The following ATXN1 variants were observed in gnomAD, a reference collection of about 807,000 sequenced individuals.
The protein encoded by ATXN1 is ataxin 1.
ATXN1 carries 8 observed loss-of-function variants against 56.4 expected under a neutral mutation model. That is an observed-to-expected ratio of 0.14 (90% confidence interval 0.08 to 0.26). The LOEUF is 0.26. Among genes scored for constraint, ATXN1 ranks in the 10% least tolerant of loss-of-function variants. The pLI, the probability that ATXN1 is intolerant of heterozygous loss-of-function variation, is 1.00. For synonymous variants in ATXN1, 514 were observed against 494.6 expected (o/e 1.04, Z -0.52); for missense variants, 987 against 1,106.5 (o/e 0.89, Z 1.53).
At chr6:16,310,609 A>C (rs1760366795) in intron 7 of ATXN1, among the ~76,000 whole-genome samples, 1 of 152,144 alleles carries the variant, frequency 6.6e-6, no homozygotes, top group African/African-American at 2.4e-5. Context: ...CAGACTCCCA[A>C]GTAGCTGGGA....
intron 5 of ATXN1, among the ~76,000 whole-genome samples, chr6:16,502,354 T>C (rs1357269934): frequency 6.6e-6 from 1 of 152,204 alleles, no homozygotes; most frequent in Non-Finnish European, 1.5e-5. Flanking sequence ...TGACAGCCAA[T>C]CTCTTGAAAA....
At chr6:16,576,588 C>A (rs1762425783) in intron 4 of ATXN1, among the ~76,000 whole-genome samples, 1 of 152,208 alleles carries the variant, frequency 6.6e-6, no homozygotes, top group Non-Finnish European at 1.5e-5. Context: ...ACATCATGCA[C>A]TTTAATTACA....
At chr6:16,606,379 T>C (rs985873173) in intron 3 of ATXN1, among the ~76,000 whole-genome samples, 2 of 152,256 alleles carry the variant, frequency 1.3e-5, no homozygotes, top group East Asian at 3.9e-4. Context: ...GTCTAAGTTA[T>C]TTCATGGATA....
intron 6 of ATXN1, among the ~76,000 whole-genome samples, chr6:16,419,439 A>T (rs1045112836): frequency 9.2e-5 from 14 of 151,528 alleles, no homozygotes; most frequent in African/African-American, 3.4e-4. Flanking sequence ...TTATAAATAT[A>T]TACATTAATA....
chr6:16,343,549 C>T (rs538493954), intron 6 of ATXN1, among the ~76,000 whole-genome samples: 32 of 152,168 alleles, frequency 2.1e-4, no homozygotes, highest in Middle Eastern at 3.4e-3. Context: ...TTCTCACATC[C>T]GCAAAGGGGA....
chr6:16,399,704 G>C (rs4626414), intron 6 of ATXN1, among the ~76,000 whole-genome samples: 12,194 of 152,096 alleles, frequency 0.08, 543 homozygotes, highest in African/African-American at 0.12. Context: ...ACAACTGCCG[G>C]GTGCTACCAG....
chr6:16,313,136 T>A (rs188603916), intron 7 of ATXN1, among the ~76,000 whole-genome samples: 90 of 152,324 alleles, frequency 5.9e-4, no homozygotes, highest in Non-Finnish European at 1.5e-5. Flanking sequence ...TGCCTTGGCA[T>A]CCCAAAGTGC....
At chr6:16,729,922 T>C (rs1028736618) in intron 2 of ATXN1, among the ~76,000 whole-genome samples, 14 of 152,226 alleles carry the variant, frequency 9.2e-5, no homozygotes, top group African/African-American at 3.1e-4. Flanking sequence ...TGATTACCTT[T>C]CTTCCTTTTT....
chr6:16,529,200 G>C (rs991080499), intron 4 of ATXN1, among the ~76,000 whole-genome samples: 2 of 149,160 alleles, frequency 1.3e-5, no homozygotes, highest in Non-Finnish European at 2.9e-5. Context: ...TCTTTGTCAG[G>C]GTTTTTTGTT....
intron 7 of ATXN1, among the ~76,000 whole-genome samples, chr6:16,320,894 G>C (rs2113397979): frequency 6.6e-6 from 1 of 152,350 alleles, no homozygotes; most frequent in African/African-American, 2.4e-5. Context: ...ATTACAGGCA[G>C]GGTAAAAATG....
chr6:16,660,860 A>G (rs1302756442), intron 2 of ATXN1, among the ~76,000 whole-genome samples: 2 of 106,542 alleles, frequency 1.9e-5, no homozygotes, highest in Non-Finnish European at 3.5e-5. Context: ...TTTTTTTGAG[A>G]CAGAGTTTTG....
intron 5 of ATXN1, among the ~76,000 whole-genome samples, chr6:16,511,801 C>T (rs772803425): frequency 3.9e-5 from 6 of 152,126 alleles, no homozygotes; most frequent in Admixed American, 3.3e-4. Flanking sequence ...GGAAGATAAG[C>T]GAGGCTGGGG....
At chr6:16,627,546 G>A (rs975662497) in intron 3 of ATXN1, among the ~76,000 whole-genome samples, 1 of 152,158 alleles carries the variant, frequency 6.6e-6, no homozygotes, top group South Asian at 2.1e-4. Context: ...GGCCAACATG[G>A]TGAAATCCCA....
intron 6 of ATXN1, among the ~76,000 whole-genome samples, chr6:16,466,317 CAAAAAAAAAAAAAAAAAAAA>C (rs200261208): frequency 2.5e-5 from 2 of 79,874 alleles, no homozygotes; most frequent in African/African-American, 5.0e-5. Context: ...GACCCCATCT[CAAAAAAAAAAAAAAAAAAAA>C]AAAAAAAAAA....
intron 6 of ATXN1, among the ~76,000 whole-genome samples, chr6:16,411,324 TTAC>T (rs952499315): frequency 6.6e-6 from 1 of 152,088 alleles, no homozygotes; most frequent in African/African-American, 2.4e-5. Context: ...CTATCTCTAT[TTAC>T]TACTACCTCA....
chr6:16,555,273 C>T (rs890954257), intron 4 of ATXN1, among the ~76,000 whole-genome samples: 6 of 152,188 alleles, frequency 3.9e-5, no homozygotes, highest in African/African-American at 1.4e-4. Flanking sequence ...TGAGCAACTG[C>T]TCTCTACAAG....
chr6:16,385,376 T>A (rs919875041), intron 6 of ATXN1, among the ~76,000 whole-genome samples: 2 of 152,154 alleles, frequency 1.3e-5, no homozygotes, highest in Non-Finnish European at 2.9e-5. Context: ...AGGAACTTGC[T>A]GCAATGCCAC....
At chr6:16,313,711 C>A (rs1760450632) in intron 7 of ATXN1, among the ~76,000 whole-genome samples, 1 of 152,016 alleles carries the variant, frequency 6.6e-6, no homozygotes, top group Non-Finnish European at 1.5e-5. Flanking sequence ...TGCCCACCAC[C>A]ACCCCTGGCT....
intron 6 of ATXN1, among the ~76,000 whole-genome samples, chr6:16,345,577 C>T (rs982721507): frequency 2.0e-5 from 3 of 152,162 alleles, no homozygotes; most frequent in African/African-American, 4.8e-5. Context: ...GACTCACACT[C>T]GGTGAATGGG....
Sources: allele counts gnomAD v4.1 joint callset (sites outside exome capture counted in the v4.1 genomes callset), GRCh38; gene constraint gnomAD v4.1.1; transcripts MANE v1.5; gene names NCBI Gene and HGNC (gene_info 2026-07-23, HGNC 2026-07-21).